Variants in OSBPL9 observed in about 807,000 individuals in gnomAD.
OSBPL9 encodes oxysterol-binding protein-related protein 9.
A neutral mutation model predicts 106.6 loss-of-function variants in OSBPL9; 40 were observed. That is an observed-to-expected ratio of 0.38 (90% CI 0.29 to 0.49). OSBPL9 has a LOEUF of 0.49. Among genes scored for constraint, OSBPL9 ranks in the 20% least tolerant of loss-of-function variants. The pLI, the probability that OSBPL9 is intolerant of heterozygous loss-of-function variation, is 0.97. For missense variants in OSBPL9, 609 were observed against 887.2 expected (o/e 0.69, Z 3.98); for synonymous variants, 269 against 295.4 (o/e 0.91, Z 0.92).
intron 4 of OSBPL9, among the ~76,000 whole-genome samples, chr1:51,718,243 A>T (rs956461900): frequency 3.9e-5 from 6 of 152,080 alleles, no homozygotes; most frequent in African/African-American, 1.4e-4. Context: ...GGGAGTGGGG[A>T]TGGTTAATGG....
chr1:51,647,722 TG>T (rs1426117770), intron 1 of OSBPL9, among the ~76,000 whole-genome samples: 1 of 152,198 alleles, frequency 6.6e-6, no homozygotes, highest in Non-Finnish European at 1.5e-5. Context: ...TTGGTAATAA[TG>T]TTTTTTTTCT....
the OSBPL9 span, among the ~76,000 whole-genome samples, chr1:51,551,443 T>G: frequency 6.6e-6 from 1 of 152,208 alleles, no homozygotes. Flanking sequence ...AATTTCTTCA[T>G]AAAGTTCTCT....
intron 2 of OSBPL9, among the ~76,000 whole-genome samples, chr1:51,663,710 G>A (rs1647696842): frequency 6.6e-6 from 1 of 152,146 alleles, no homozygotes; most frequent in South Asian, 2.1e-4. Context: ...TGCAAAAGCA[G>A]GCAACAGAGT....
chr1:51,575,325 T>G (rs948052683), upstream of OSBPL9, among the ~76,000 whole-genome samples: 10 of 151,892 alleles, frequency 6.6e-5, no homozygotes, highest in East Asian at 1.9e-3. Flanking sequence ...CTTAGACTCC[T>G]GAGTAGCTGG....
chr1:51,579,505 T>C (rs1255335605), intron 1 of OSBPL9, among the ~76,000 whole-genome samples: 2 of 152,184 alleles, frequency 1.3e-5, no homozygotes, highest in Non-Finnish European at 2.9e-5. Context: ...ATTGTATTCT[T>C]CAAAAGAGAA....
chr1:51,757,504 A>G (rs543847041), intron 9 of OSBPL9, among the ~76,000 whole-genome samples: 6 of 151,760 alleles, frequency 4.0e-5, no homozygotes, highest in Non-Finnish European at 8.8e-5. Flanking sequence ...TTTCCCTCAA[A>G]GCCAAATTAG....
chr1:51,612,759 C>A (rs929920934), upstream of OSBPL9, among the ~76,000 whole-genome samples: 2 of 152,204 alleles, frequency 1.3e-5, no homozygotes, highest in Non-Finnish European at 1.5e-5. Context: ...TGTGTCATGT[C>A]CAAGACATTT....
intron 4 of OSBPL9, among the ~76,000 whole-genome samples, chr1:51,735,017 A>G (rs964702400): frequency 6.6e-6 from 1 of 152,080 alleles, no homozygotes; most frequent in Non-Finnish European, 1.5e-5. Flanking sequence ...ATTTTCTTGC[A>G]GATTTGTTCT....
chr1:51,780,500 C>T (rs1470958024), intron 15 of OSBPL9, among the ~76,000 whole-genome samples: 1 of 152,054 alleles, frequency 6.6e-6, no homozygotes, highest in Non-Finnish European at 1.5e-5. Context: ...ATAAAGAAAA[C>T]GTGGCATATA....
Position 51,729,958 on chromosome 1 carries a change from G to T in OSBPL9, c.319-15578G>T, listed in dbSNP as rs1371300023. 2 of 1,316,508 alleles carry T rather than the reference G, an allele frequency of 1.5e-6. No individual in the cohort carries two copies. The highest frequency in any genetic ancestry group is 1.5e-5 in the African/African-American group (1 of 66,444). The allele number at this position is 1,316,508 out of a possible 1,614,324, so 81.6% of individuals were successfully genotyped here. On this transcript the variant is annotated intron_variant, in intron 4 of 23. Transcript: ENST00000428468. This position sits in a 1 kb window ranked among gnomAD's most constrained non-coding sequence, Gnocchi z 5.1. The stretch of plus-strand genomic sequence containing the variant: ...GGCTACCTCCCCTGGAGGCACAGAG[G>T]GCGGGGGCCTTGGCGAATGGCTTTC...
chr1:51,582,740 T>A (rs1645227746), intron 1 of OSBPL9: 1 of 152,168 alleles, frequency 6.6e-6, no homozygotes. Context: ...CCTTCCTGCA[T>A]GGAATTTATA....
chr1:51,746,576 G>A (rs1668024028), intron 5 of OSBPL9, 134 bp from the exon 6 acceptor site: 3 of 607,802 alleles, frequency 4.9e-6, no homozygotes, highest in East Asian at 5.9e-5. Flanking sequence ...AATACATGTT[G>A]TCTTGAAAAT....
chr1:51,530,234 C>G, the OSBPL9 span, among the ~76,000 whole-genome samples: 1 of 136,792 alleles, frequency 7.3e-6, no homozygotes, highest in Non-Finnish European at 1.6e-5. Flanking sequence ...AGATGCAAAC[C>G]ATCTTTATTA....
Position 51,655,442 on chromosome 1 carries a change from T to C in OSBPL9, c.162+3401T>C, listed in dbSNP as rs953449912. Among the ~76,000 whole-genome samples, 62 of 152,350 alleles carry C rather than the reference T, an allele frequency of 4.1e-4. 1 individual carries two copies. Among genetic ancestry groups the C allele is most frequent in the African/African-American group, 1.4e-3 (58 of 41,576 alleles). ...AGCGATGTGCATTGAATCCTTCTGGTGCTCTGAATCTTTCTGACTTCCCAT... is the reference window on the plus strand; with the variant it reads ...AGCGATGTGCATTGAATCCTTCTGGCGCTCTGAATCTTTCTGACTTCCCAT... On this transcript the variant is annotated intron_variant, in intron 2 of 23. Coordinates refer to ENST00000428468, the MANE Select transcript of OSBPL9 (RefSeq NM_024586.6).
chr1:51,642,347 TTTAA>T (rs1310748829), intron 1 of OSBPL9, among the ~76,000 whole-genome samples: 2 of 152,214 alleles, frequency 1.3e-5, no homozygotes, highest in Non-Finnish European at 2.9e-5. Flanking sequence ...TTCAGAATTG[TTTAA>T]TTACAGATTT....
rs762296921 is a variant in OSBPL9, at chr1:51,618,111, G to A, written c.111+890G>A. Among the ~76,000 whole-genome samples, 7 of 151,818 alleles carry A rather than the reference G, an allele frequency of 4.6e-5. No homozygotes were observed. In the South Asian group the frequency reaches 1.5e-3, roughly 32 times the overall value. On this transcript the variant is annotated intron_variant, in intron 1 of 23. Transcript: ENST00000428468. ...CGGCTCACTGCAACTTCTGCCTCTC[G>A]GGTTCAAGCGATTCTCCTGCCTCTG...
At chr1:51,613,740 C>CTT (rs1213011994), upstream of OSBPL9, among the ~76,000 whole-genome samples, 11 of 142,882 alleles carry the variant, frequency 7.7e-5, no homozygotes, top group African/African-American at 2.3e-4. Flanking sequence ...TCTTTCTTTT[C>CTT]TTTTTTTTTT....
chr1:51,578,979 A>C (rs1260769747), intron 1 of OSBPL9, among the ~76,000 whole-genome samples: 2 of 152,056 alleles, frequency 1.3e-5, no homozygotes, highest in Non-Finnish European at 2.9e-5. Context: ...TGTACTTCCC[A>C]GAGTGTCTGG....
At chr1:51,582,839 T>G (rs777929617) in intron 1 of OSBPL9, 1 of 151,958 alleles carries the variant, frequency 6.6e-6, no homozygotes, top group Non-Finnish European at 1.5e-5. Flanking sequence ...ATCCTAGCAC[T>G]TTGGGAGGCT....
Sources: gnomAD v4.1 joint callset for allele counts (sites outside exome capture counted in the v4.1 genomes callset) on GRCh38, gnomAD v4.1.1 for gene constraint, Gnocchi (gnomAD v3.1) non-coding constraint, MANE v1.5 for transcripts, NCBI Gene and HGNC (gene_info 2026-07-23, HGNC 2026-07-21) for gene names.